The following PIP5K1A variants were observed in gnomAD, a reference collection of about 807,000 sequenced individuals.
The protein encoded by PIP5K1A is phosphatidylinositol-4-phosphate 5-kinase type 1 alpha, also known as phosphatidylinositol 4-phosphate 5-kinase type-1 alpha.
Under a neutral mutation model 72.9 loss-of-function variants are expected in PIP5K1A, and 46 were observed. The ratio of observed to expected loss-of-function variants is 0.63; its 90% CI spans 0.50 to 0.81. The LOEUF (loss-of-function observed/expected upper bound fraction) is 0.81. Ranked by LOEUF, PIP5K1A falls within the 30% of genes least tolerant of loss-of-function variation. The pLI is 0.00. For missense variants in PIP5K1A, 458 were observed against 706.1 expected (o/e 0.65, Z 3.98); for synonymous variants, 228 against 255.1 (o/e 0.89, Z 1.01).
intron 14 of PIP5K1A, among the ~76,000 whole-genome samples, chr1:151,245,660 C>G (rs1453785157): frequency 6.6e-6 from 1 of 152,172 alleles, no homozygotes; most frequent in Middle Eastern, 3.4e-3. Flanking sequence ...CTCAGCCTCC[C>G]GAGGAGCTGG....
Position 151,225,641 on chromosome 1 carries a change from T to A in PIP5K1A, c.156+1235T>A, listed in dbSNP as rs181766645. On this transcript the variant is annotated intron_variant, in intron 3 of 15. Transcript: ENST00000368888. Reference sequence around the variant, plus strand: ...CACGCCACCATGCCCGCCTAATTTTTGTATTTTTAGTAGAGGCAGGGTTTC... The same window carrying A: ...CACGCCACCATGCCCGCCTAATTTTAGTATTTTTAGTAGAGGCAGGGTTTC... 4.5e-3 allele frequency among the ~76,000 whole-genome samples: 685 copies of A among 151,662 alleles called. 6 individuals are homozygous for A. Among genetic ancestry groups the A allele is most frequent in the African/African-American group, 0.016 (650 of 41,340 alleles).
At chr1:151,234,640 T>C (rs1690596138) in intron 8 of PIP5K1A, 144 bp downstream of exon 8, 1 of 645,240 alleles carries the variant, frequency 1.5e-6, no homozygotes, top group African/African-American at 1.8e-5. Flanking sequence ...AATTAGTTCA[T>C]TGCCATTCCT....
chr1:151,212,864 T>C (rs1050951854), intron 1 of PIP5K1A, among the ~76,000 whole-genome samples: 53 of 147,382 alleles, frequency 3.6e-4, no homozygotes, highest in Non-Finnish European at 6.3e-4. Flanking sequence ...TGAGCCACCG[T>C]GCCTGGCTGA....
At chr1:151,240,535 C>A (rs1317847372) in intron 12 of PIP5K1A, among the ~76,000 whole-genome samples, 1 of 152,154 alleles carries the variant, frequency 6.6e-6, no homozygotes, top group Non-Finnish European at 1.5e-5. Context: ...ATGCTGCTGC[C>A]ATAGCAAATT....
intron 1 of PIP5K1A, among the ~76,000 whole-genome samples, chr1:151,209,271 CT>C (rs1451488403): frequency 6.6e-6 from 1 of 151,592 alleles, no homozygotes; most frequent in African/African-American, 2.4e-5. Context: ...AGGGATCTTG[CT>C]TTTTTTCTTT....
At position 151,238,129 on chromosome 1, in the gene PIP5K1A, C is replaced by A; in HGVS notation, c.1146-53C>A. ...GTAGGTTTCACTTCCCCATCCTGAT[C>A]TGACTAAACTAGCCAACAGATTTTC... On this transcript the variant is annotated intron_variant, in intron 9 of 15. Transcript: ENST00000368888. 9 of 1,150,272 alleles carry A rather than the reference C, an allele frequency of 7.8e-6. No homozygotes were observed. The South Asian group carries it at 8.6e-5, about 11-fold the overall frequency. 71.3% of individuals were successfully genotyped at this position (1,150,272 alleles called of 1,614,324 possible). A position where few individuals can be genotyped will look rare whatever the true frequency, so the allele number is the denominator to read the frequency against.
chr1:151,222,679 G>A (rs1688543196), intron 1 of PIP5K1A, among the ~76,000 whole-genome samples: 2 of 152,076 alleles, frequency 1.3e-5, no homozygotes, highest in Admixed American at 6.6e-5. Flanking sequence ...GAGAGGATAG[G>A]CCAGGCACTG....
rs1305468447 is a variant in PIP5K1A, at chr1:151,229,180, A to AC, written c.237+1780_237+1781insC. On this transcript the variant is annotated intron_variant, in intron 4 of 15. Transcript: ENST00000368888. ...GAGACCCCGTCTCAAAAAAAAAAAA[A>AC]AAAAAAAAAAAAACAGGAAAGAAAG... 4.0e-5 allele frequency among the ~76,000 whole-genome samples: 6 copies of AC among 149,214 alleles called. No homozygotes were observed. In the East Asian group the frequency reaches 1.2e-3, roughly 29 times the overall value.
chr1:151,215,521 G>A (rs1343704565), intron 1 of PIP5K1A, among the ~76,000 whole-genome samples: 2 of 151,976 alleles, frequency 1.3e-5, no homozygotes, highest in African/African-American at 4.8e-5. Flanking sequence ...GTAGAGACGG[G>A]TTTTCACCAT....
intron 1 of PIP5K1A, among the ~76,000 whole-genome samples, chr1:151,212,628 AC>A (rs1366293548): frequency 6.6e-6 from 1 of 150,778 alleles, no homozygotes; most frequent in East Asian, 2.0e-4. Flanking sequence ...AGGCTGGAGT[AC>A]AGTGGCATGA....
upstream of PIP5K1A, among the ~76,000 whole-genome samples, chr1:151,196,871 T>A (rs1684597889): frequency 6.9e-6 from 1 of 145,860 alleles, no homozygotes; most frequent in African/African-American, 2.5e-5. Flanking sequence ...TTTTTTTTTT[T>A]TTTTTTGAGA....
intron 4 of PIP5K1A, 149 bp downstream of exon 4, chr1:151,227,549 A>G: frequency 2.1e-6 from 1 of 481,616 alleles, no homozygotes. Context: ...CTTTAGATTT[A>G]TTTCTCAAAG....
At chr1:151,215,395 A>G (rs587744551) in intron 1 of PIP5K1A, among the ~76,000 whole-genome samples, 40 of 150,584 alleles carry the variant, frequency 2.7e-4, no homozygotes, top group Middle Eastern at 3.5e-3. Flanking sequence ...TGCAAAGGCA[A>G]TCTTGGCTCA....
chr1:151,201,656 C>G (rs907792278), intron 1 of PIP5K1A, among the ~76,000 whole-genome samples: 3 of 151,910 alleles, frequency 2.0e-5, no homozygotes, highest in African/African-American at 4.8e-5. Context: ...GTCAGGAGTT[C>G]GAGACCAGCC....
chr1:151,208,826 G>T (rs1686361645), intron 1 of PIP5K1A, among the ~76,000 whole-genome samples: 1 of 143,214 alleles, frequency 7.0e-6, no homozygotes, highest in Non-Finnish European at 1.5e-5. Context: ...TCCGCCTCCT[G>T]GGTTCACGCC....
In PIP5K1A at chr1:151,242,104, C is replaced by T; in HGVS notation, c.1364-19C>T. On this transcript the variant is annotated intron_variant, in intron 12 of 15. Coordinates refer to ENST00000368888, the MANE Select transcript of PIP5K1A (RefSeq NM_001135638.2). ...TGCTAAGGTAGTTGCTAAGTAGGCT[C>T]TCTCTTTCCCTTTTGAAGTGAAGCC... 1.9e-6 allele frequency: 3 copies of T among 1,613,836 alleles called. No homozygotes were observed.
intron 14 of PIP5K1A, among the ~76,000 whole-genome samples, chr1:151,243,572 A>C (rs1140942): frequency 6.6e-6 from 1 of 152,222 alleles, no homozygotes; most frequent in Non-Finnish European, 1.5e-5. Flanking sequence ...ATCAGGCCTC[A>C]AAGCAGAAGA....
At chr1:151,200,170 T>C (rs1685018353) in intron 1 of PIP5K1A, among the ~76,000 whole-genome samples, 2 of 146,324 alleles carry the variant, frequency 1.4e-5, no homozygotes, top group Non-Finnish European at 3.0e-5. Flanking sequence ...AAATTAGGCC[T>C]GAGAAGAAGA....
At chr1:151,216,749 T>TA (rs767015424) in intron 1 of PIP5K1A, among the ~76,000 whole-genome samples, 1 of 152,144 alleles carries the variant, frequency 6.6e-6, no homozygotes, top group Non-Finnish European at 1.5e-5. Flanking sequence ...AGTAGAGCAT[T>TA]TATTATAGAT....
Sources: gnomAD v4.1 joint callset for allele counts (sites outside exome capture counted in the v4.1 genomes callset) on GRCh38, gnomAD v4.1.1 for gene constraint, MANE v1.5 for transcripts, NCBI Gene and HGNC (gene_info 2026-07-23, HGNC 2026-07-21) for gene names.